Variants in ADGRB3 observed in about 807,000 individuals in gnomAD.
The protein encoded by ADGRB3 is adhesion G protein-coupled receptor B3, also known as brain-specific angiogenesis inhibitor 3.
Under a neutral mutation model 193.4 loss-of-function variants are expected in ADGRB3, and 37 were observed. The ratio of observed to expected loss-of-function variants is 0.19; its 90% CI spans 0.15 to 0.25. The LOEUF is 0.25. ADGRB3 is among the 10% of genes least tolerant of loss of function. The probability of loss-of-function intolerance (pLI) is 1.00; values close to 1 mark genes in which losing one functional copy is unlikely to be tolerated. For missense variants in ADGRB3, 1,637 were observed against 1,852.9 expected (o/e 0.88, Z 2.14); for synonymous variants, 690 against 644.2 (o/e 1.07, Z -1.08).
intron 20 of ADGRB3, among the ~76,000 whole-genome samples, chr6:69,281,147 C>T (rs1414703373): frequency 2.6e-5 from 4 of 152,132 alleles, no homozygotes; most frequent in Admixed American, 6.5e-5. Flanking sequence ...CATACATTTC[C>T]ACTGGAGCAT....
chr6:68,701,123 G>A (rs1453984777), intron 3 of ADGRB3, among the ~76,000 whole-genome samples: 1 of 151,608 alleles, frequency 6.6e-6, no homozygotes, highest in Admixed American at 6.6e-5. Context: ...ATTATAAAAA[G>A]CACTTCAAAA....
At chr6:69,062,830 C>T in intron 15 of ADGRB3, 104 bp from the exon 16 acceptor site, 1 of 739,836 alleles carries the variant, frequency 1.4e-6, no homozygotes, top group Admixed American at 2.6e-5. Flanking sequence ...TATGTTTTTG[C>T]TTTGGATGCA....
At chr6:69,069,572 A>AAAAAAAAAAAAAAC in intron 16 of ADGRB3, among the ~76,000 whole-genome samples, 1 of 141,786 alleles carries the variant, frequency 7.1e-6, no homozygotes, top group Non-Finnish European at 1.5e-5. Flanking sequence ...AAAAAAAAAA[A>AAAAAAAAAAAAAAC]AAAAAAAAAT....
intron 17 of ADGRB3, among the ~76,000 whole-genome samples, chr6:69,122,793 A>G (rs993868873): frequency 1.3e-5 from 2 of 152,100 alleles, no homozygotes; most frequent in African/African-American, 4.8e-5. Flanking sequence ...CTTCAAACAT[A>G]TAAAATCAAT....
intron 17 of ADGRB3, among the ~76,000 whole-genome samples, chr6:69,136,141 T>G (rs908341296): frequency 6.6e-6 from 1 of 152,038 alleles, no homozygotes; most frequent in Admixed American, 6.6e-5. Flanking sequence ...GACATACATA[T>G]GTAGGCATGG....
At chr6:69,241,408 A>G (rs1251381924) in intron 20 of ADGRB3, among the ~76,000 whole-genome samples, 2 of 151,924 alleles carry the variant, frequency 1.3e-5, no homozygotes, top group African/African-American at 4.8e-5. Context: ...TCTGGAGTAT[A>G]TTTTATACTT....
chr6:69,348,963 A>C (rs1233405889), intron 26 of ADGRB3, among the ~76,000 whole-genome samples: 1 of 152,224 alleles, frequency 6.6e-6, no homozygotes. Flanking sequence ...CAGTAAGACA[A>C]TAGAGTGGTA....
chr6:68,986,802 A>G (rs543950368), intron 10 of ADGRB3, among the ~76,000 whole-genome samples: 1 of 152,190 alleles, frequency 6.6e-6, no homozygotes, highest in Admixed American at 6.6e-5. Flanking sequence ...TAATATATAA[A>G]TATGTGATGT....
intron 17 of ADGRB3, among the ~76,000 whole-genome samples, chr6:69,179,361 G>T (rs551751259): frequency 2.6e-5 from 4 of 152,216 alleles, no homozygotes; most frequent in East Asian, 1.9e-4. Context: ...TTTTTAAGGT[G>T]TGTATCCCTT....
In ADGRB3 at chr6:69,225,414, T is replaced by C. The variant is rs1765988004; in HGVS notation, c.2481-7876T>C. Among the ~76,000 whole-genome samples the C allele has an allele frequency of 2.6e-5, 4 of 152,348 alleles. No individual in the cohort carries two copies. In the South Asian group the frequency reaches 8.3e-4, roughly 32 times the overall value. On this transcript the variant is annotated intron_variant, in intron 17 of 31. Transcript: ENST00000370598. ...GTTTTCTTTCACCATTTCTGAGTAC[T>C]CTTCCTGTATGTTCCTAACTTTGGC...
chr6:68,637,927 T>A (rs1206666019), intron 2 of ADGRB3, among the ~76,000 whole-genome samples: 1 of 152,204 alleles, frequency 6.6e-6, no homozygotes, highest in Non-Finnish European at 1.5e-5. Context: ...TCAATGGTGA[T>A]GTTGAACAAC....
chr6:68,763,109 G>C (rs1766443533), intron 3 of ADGRB3, among the ~76,000 whole-genome samples: 1 of 151,954 alleles, frequency 6.6e-6, no homozygotes, highest in Admixed American at 6.6e-5. Flanking sequence ...TTTCTTTTTT[G>C]AGATGGAGTC....
chr6:69,086,007 T>C (rs941258165), intron 17 of ADGRB3, among the ~76,000 whole-genome samples: 1 of 151,990 alleles, frequency 6.6e-6, no homozygotes, highest in African/African-American at 2.4e-5. Flanking sequence ...AGAAACCTTC[T>C]GTTTAATGAT....
intron 3 of ADGRB3, among the ~76,000 whole-genome samples, chr6:68,815,821 A>G (rs2127378030): frequency 6.6e-6 from 1 of 152,256 alleles, no homozygotes; most frequent in South Asian, 2.1e-4. Flanking sequence ...TTGCTTTAGG[A>G]TTCATTCAGG....
At chr6:69,319,739 G>C (rs1275930308) in intron 20 of ADGRB3, among the ~76,000 whole-genome samples, 2 of 150,938 alleles carry the variant, frequency 1.3e-5, no homozygotes, top group Non-Finnish European at 3.0e-5. Context: ...GTGACATCTG[G>C]TTTTTACATG....
At chr6:69,137,795 T>C (rs1001533324) in intron 17 of ADGRB3, among the ~76,000 whole-genome samples, 2 of 152,038 alleles carry the variant, frequency 1.3e-5, no homozygotes, top group African/African-American at 2.4e-5. Flanking sequence ...AGACTCTGTC[T>C]CAAAAACAAG....
chr6:69,276,684 C>T (rs570548831), intron 20 of ADGRB3, among the ~76,000 whole-genome samples: 54 of 152,230 alleles, frequency 3.5e-4, no homozygotes, highest in Middle Eastern at 6.8e-3. Flanking sequence ...AATGAATAAA[C>T]GAACAGGGTG....
chr6:69,282,531 A>G (rs1437472520), intron 20 of ADGRB3, among the ~76,000 whole-genome samples: 3 of 152,230 alleles, frequency 2.0e-5, no homozygotes, highest in African/African-American at 7.2e-5. Context: ...AAAAATTCTC[A>G]GTTTCATAAA....
At chr6:69,257,861 T>A (rs542111735) in intron 20 of ADGRB3, among the ~76,000 whole-genome samples, 53 of 152,330 alleles carry the variant, frequency 3.5e-4, no homozygotes, top group African/African-American at 1.3e-3. Context: ...AAAACTAGAT[T>A]CTTCAGGGTA....
Sources: allele counts gnomAD v4.1 joint callset (sites outside exome capture counted in the v4.1 genomes callset), GRCh38; gene constraint gnomAD v4.1.1; transcripts MANE v1.5; gene names NCBI Gene and HGNC (gene_info 2026-07-23, HGNC 2026-07-21).